NTM: variants seen among roughly 807,000 people sequenced by gnomAD.
The protein encoded by NTM is neurotrimin, also known as IgLON family member 2.
Under a neutral mutation model 42.1 loss-of-function variants are expected in NTM, and 13 were observed. That is an observed-to-expected ratio of 0.31 (90% CI 0.20 to 0.49). The LOEUF (loss-of-function observed/expected upper bound fraction) is 0.49, where lower values mean the gene tolerates loss of function less well. Among genes scored for constraint, NTM ranks in the 20% least tolerant of loss-of-function variants. The pLI, the probability that NTM is intolerant of heterozygous loss-of-function variation, is 0.99. For synonymous variants in NTM, 187 were observed against 179.2 expected (o/e 1.04, Z -0.35); for missense variants, 373 against 452.8 (o/e 0.82, Z 1.60).
At chr11:131,761,197 G>A (rs1049853963) in intron 1 of NTM, among the ~76,000 whole-genome samples, 1 of 152,144 alleles carries the variant, frequency 6.6e-6, no homozygotes, top group Non-Finnish European at 1.5e-5. Flanking sequence ...TATGCGTTAC[G>A]GCTTTTTCTG....
intron 1 of NTM, among the ~76,000 whole-genome samples, chr11:131,399,311 G>A (rs1324404586): frequency 1.3e-5 from 2 of 152,130 alleles, no homozygotes; most frequent in African/African-American, 2.4e-5. Flanking sequence ...ATGGACTCAC[G>A]ATTCTGAATA....
intron 8 of NTM, among the ~76,000 whole-genome samples, chr11:132,331,295 A>G (rs1441853832): frequency 6.6e-6 from 1 of 152,192 alleles, no homozygotes; most frequent in African/African-American, 2.4e-5. Context: ...GTGTTGTGAT[A>G]GCTTTCCCAG....
In NTM at chr11:132,026,799, C is replaced by T. The variant is rs570786365; in HGVS notation, c.167+115151C>T. 3.9e-5 allele frequency among the ~76,000 whole-genome samples: 6 copies of T among 152,202 alleles called. No homozygotes were observed. In the South Asian group the frequency reaches 8.3e-4, roughly 21 times the overall value. On this transcript the variant is annotated intron_variant, in intron 2 of 8. Coordinates refer to ENST00000683400, the MANE Select transcript of NTM (RefSeq NM_001352005.2). ...CTCTTCTCACTTTGCAAGAAGGGAACGGTATTGAGGATTGTGGGACTGGTT... is the reference window on the plus strand; with the variant it reads ...CTCTTCTCACTTTGCAAGAAGGGAATGGTATTGAGGATTGTGGGACTGGTT...
At chr11:131,499,811 T>C (rs2046506459) in intron 1 of NTM, among the ~76,000 whole-genome samples, 2 of 152,250 alleles carry the variant, frequency 1.3e-5, no homozygotes, top group Admixed American at 6.5e-5. Context: ...CCCGCGTCAA[T>C]GCGCTCTGCA....
chr11:131,674,050 T>C (rs1441439533), intron 1 of NTM, among the ~76,000 whole-genome samples: 1 of 152,232 alleles, frequency 6.6e-6, no homozygotes, highest in Non-Finnish European at 1.5e-5. Context: ...TTTACAACCT[T>C]GATACTTCTG....
intron 2 of NTM, among the ~76,000 whole-genome samples, chr11:132,040,175 A>G (rs1173626906): frequency 2.0e-5 from 3 of 152,050 alleles, no homozygotes; most frequent in African/African-American, 7.2e-5. Flanking sequence ...GCTCAGGCAG[A>G]GTTCTGCCTC....
chr11:131,396,467 T>A (rs1388657770), intron 1 of NTM, among the ~76,000 whole-genome samples: 1 of 152,154 alleles, frequency 6.6e-6, no homozygotes, highest in Non-Finnish European at 1.5e-5. Context: ...TTAGATCATA[T>A]TTCACCAGCC....
chr11:131,647,976 T>C (rs940913911), intron 1 of NTM, among the ~76,000 whole-genome samples: 1 of 152,160 alleles, frequency 6.6e-6, no homozygotes, highest in East Asian at 1.9e-4. Context: ...TAGTACCCAA[T>C]AGTTATTTTC....
intron 1 of NTM, among the ~76,000 whole-genome samples, chr11:131,540,357 G>A (rs546595430): frequency 9.9e-5 from 15 of 151,840 alleles, no homozygotes; most frequent in African/African-American, 3.4e-4. Context: ...AGTAGAGATG[G>A]GGTTTCACCG....
intron 1 of NTM, among the ~76,000 whole-genome samples, chr11:131,849,670 G>A (rs2045297223): frequency 2.0e-5 from 3 of 151,972 alleles, no homozygotes; most frequent in South Asian, 4.2e-4. Context: ...TGAGGACATT[G>A]ACCCTTCCTG....
chr11:131,696,980 GT>G (rs1402312101), intron 1 of NTM, among the ~76,000 whole-genome samples: 1 of 152,188 alleles, frequency 6.6e-6, no homozygotes, highest in Non-Finnish European at 1.5e-5. Flanking sequence ...ACAAGAACCC[GT>G]TTCGTTAGTG....
chr11:132,026,179 C>T (rs1308833575), intron 2 of NTM, among the ~76,000 whole-genome samples: 1 of 152,180 alleles, frequency 6.6e-6, no homozygotes. Context: ...TGTATATGCT[C>T]ATAATTATTA....
chr11:132,150,682 G>A (rs1231094011), intron 3 of NTM, among the ~76,000 whole-genome samples: 1 of 152,122 alleles, frequency 6.6e-6, no homozygotes, highest in African/African-American at 2.4e-5. Flanking sequence ...GAGTTCCTAG[G>A]TTAGCTTAGA....
intron 4 of NTM, among the ~76,000 whole-genome samples, chr11:132,254,044 C>T (rs911064515): frequency 1.3e-5 from 2 of 152,188 alleles, no homozygotes; most frequent in African/African-American, 2.4e-5. Flanking sequence ...GAAGGCAGCT[C>T]TCTGGACTCT....
intron 1 of NTM, among the ~76,000 whole-genome samples, chr11:131,552,659 A>T (rs1340567663): frequency 6.6e-6 from 1 of 152,140 alleles, no homozygotes; most frequent in African/African-American, 2.4e-5. Context: ...ACTAAAAAAA[A>T]TACAAAAAAT....
intron 1 of NTM, among the ~76,000 whole-genome samples, chr11:131,607,757 A>G (rs1299555093): frequency 6.6e-6 from 1 of 152,178 alleles, no homozygotes; most frequent in East Asian, 1.9e-4. Context: ...GTACGTATTT[A>G]CCATCACTCT....
chr11:131,833,280 T>C (rs58829243), intron 1 of NTM, among the ~76,000 whole-genome samples: 7,033 of 152,268 alleles, frequency 0.046, 559 homozygotes, highest in African/African-American at 0.16. Context: ...CCTAGCTTTG[T>C]CCTTGTGATT....
chr11:132,064,736 A>G (rs1469706995), intron 2 of NTM, among the ~76,000 whole-genome samples: 1 of 152,234 alleles, frequency 6.6e-6, no homozygotes, highest in Non-Finnish European at 1.5e-5. Context: ...CCATGGTTCC[A>G]GTCCATTTAA....
intron 2 of NTM, among the ~76,000 whole-genome samples, chr11:132,134,640 G>A (rs1207005395): frequency 7.0e-6 from 1 of 143,176 alleles, no homozygotes; most frequent in Non-Finnish European, 1.5e-5. Context: ...ATAGTCTCCA[G>A]TTCCATCCAG....
Sources: allele counts gnomAD v4.1 joint callset (sites outside exome capture counted in the v4.1 genomes callset), GRCh38; gene constraint gnomAD v4.1.1; transcripts MANE v1.5; gene names NCBI Gene and HGNC (gene_info 2026-07-23, HGNC 2026-07-21).